Variants in FAM193A observed in about 807,000 individuals in gnomAD.
FAM193A encodes the protein protein FAM193A.
Under a neutral mutation model 126.5 loss-of-function variants are expected in FAM193A, and 22 were observed. That is an observed-to-expected ratio of 0.17 (90% confidence interval 0.12 to 0.25). FAM193A has a LOEUF of 0.25. FAM193A is among the 10% of genes least tolerant of loss of function. The pLI is 1.00. For synonymous variants in FAM193A, 761 were observed against 646.8 expected, an observed-to-expected ratio of 1.18 and a Z score of -2.68; for missense variants, 1,675 against 1,672.8, an observed-to-expected ratio of 1.00 and a Z score of -0.02.
In FAM193A at chr4:2,700,102, C is replaced by A. The variant is rs755730465; in HGVS notation, c.3930C>A (p.Pro1310=). The A allele has an allele frequency of 1.2e-6, 2 of 1,613,838 alleles. No homozygotes were observed. The highest frequency in any genetic ancestry group is 2.2e-5 in the South Asian group (2 of 91,050). The change falls in exon 19 of 21, where the codon CCC becomes CCA. Residue 1310 remains proline (P), a synonymous_variant. Coordinates refer to ENST00000637812, the MANE Select transcript of FAM193A (RefSeq NM_001366318.2). ...CCAGAGACTCCAAATTTCTCCTCCC[C>A]AAGGAGGTGAATGGGAAGCAGCATG... The part of the protein sequence containing the change: ...VDTRDSKFLL[P]KEVNGKQHEP...
At chr4:2,565,256 T>TC (rs1738868886) in intron 1 of FAM193A, among the ~76,000 whole-genome samples, 1 of 26,508 alleles carries the variant, frequency 3.8e-5, no homozygotes, top group East Asian at 9.7e-4. Flanking sequence ...AGAGTAGCCT[T>TC]TTTTTTTTTT....
chr4:2,590,486 CAAAAAA>C (rs746750683), intron 1 of FAM193A, among the ~76,000 whole-genome samples: 15 of 38,008 alleles, frequency 3.9e-4, no homozygotes, highest in Middle Eastern at 0.011. Flanking sequence ...CAAAAAAAAA[CAAAAAA>C]AAACAAAAAA....
chr4:2,730,232 T>C (rs529851616), intron 20 of FAM193A, among the ~76,000 whole-genome samples: 61 of 152,150 alleles, frequency 4.0e-4, no homozygotes, highest in Non-Finnish European at 7.4e-4. Flanking sequence ...TGGTGTCAGT[T>C]TCAGGAAGGA....
chr4:2,591,585 C>A (rs1740575752), intron 1 of FAM193A, among the ~76,000 whole-genome samples: 1 of 151,984 alleles, frequency 6.6e-6, no homozygotes, highest in Non-Finnish European at 1.5e-5. Context: ...CTGCTGTTAC[C>A]CGAGAGGATA....
chr4:2,665,915 C>T (rs561528506), intron 12 of FAM193A, among the ~76,000 whole-genome samples: 9 of 152,086 alleles, frequency 5.9e-5, no homozygotes, highest in Non-Finnish European at 7.4e-5. Flanking sequence ...GGTGCTATCT[C>T]GGCTCACGGC....
At chr4:2,723,873 C>A (rs2109410536) in intron 20 of FAM193A, among the ~76,000 whole-genome samples, 1 of 152,220 alleles carries the variant, frequency 6.6e-6, no homozygotes, top group East Asian at 1.9e-4. Context: ...GCAATCACGG[C>A]TCACTGCAGC....
In FAM193A at chr4:2,620,621, C is replaced by T. The variant is rs1309051282; in HGVS notation, c.502-4641C>T. ...CAGCACTCTGGGAGGCTGAGGCAGG[C>T]GGGATCGCCTGAGGTCAGGAGTTGG... On this transcript the variant is annotated intron_variant, in intron 2 of 20. Transcript: ENST00000637812. Among the ~76,000 whole-genome samples, 5 of 151,984 alleles carry T rather than the reference C, an allele frequency of 3.3e-5. No individual in the cohort carries two copies. In the East Asian group the frequency reaches 9.7e-4, roughly 29 times the overall value.
intron 1 of FAM193A, among the ~76,000 whole-genome samples, chr4:2,540,143 TTG>T (rs1737140560): frequency 6.6e-6 from 1 of 150,604 alleles, no homozygotes; most frequent in African/African-American, 2.4e-5. Context: ...AATCCCATCC[TTG>T]TTGACACGGT....
chr4:2,648,741 A>G (rs1225334340), intron 7 of FAM193A, among the ~76,000 whole-genome samples: 1 of 152,186 alleles, frequency 6.6e-6, no homozygotes, highest in African/African-American at 2.4e-5. Context: ...GCACCAGCCC[A>G]TTTTCACAAG....
intron 13 of FAM193A, among the ~76,000 whole-genome samples, chr4:2,673,627 C>T (rs547898692): frequency 3.8e-4 from 58 of 152,146 alleles, no homozygotes; most frequent in African/African-American, 1.4e-3. Flanking sequence ...ACCAGGCTAT[C>T]TTCATGGTCC....
At chr4:2,677,216 G>T (rs1362420355) in intron 13 of FAM193A, among the ~76,000 whole-genome samples, 1 of 152,120 alleles carries the variant, frequency 6.6e-6, no homozygotes, top group Non-Finnish European at 1.5e-5. Context: ...CCCTTTTCCT[G>T]TTGAAGGATC....
chr4:2,538,254 A>G (rs1335419148), intron 1 of FAM193A, among the ~76,000 whole-genome samples: 1 of 150,748 alleles, frequency 6.6e-6, no homozygotes, highest in Non-Finnish European at 1.5e-5. Flanking sequence ...GCTGGAGTGC[A>G]ATAATGGCGC....
At position 2,583,944 on chromosome 4, in the gene FAM193A, T is replaced by C. The variant is rs148059559; in HGVS notation, c.256-12140T>C. Among the ~76,000 whole-genome samples the C allele has an allele frequency of 3.9e-5, 6 of 152,302 alleles. No homozygotes were observed. In the East Asian group the frequency reaches 1.2e-3, roughly 29 times the overall value. ...AGGGCAGAAGACAGAAGCAGCCATG[T>C]CTTGAGGAACAGAAGTTTTTTGGTG... On this transcript the variant is annotated intron_variant, in intron 1 of 20. Coordinates refer to ENST00000637812, the MANE Select transcript of FAM193A (RefSeq NM_001366318.2).
chr4:2,719,911 C>G (rs1719938435), intron 20 of FAM193A: 1 of 248,912 alleles, frequency 4.0e-6, no homozygotes, highest in Non-Finnish European at 8.4e-6. Context: ...CCACCTCAGC[C>G]CTCCAAGTAG....
intron 13 of FAM193A, among the ~76,000 whole-genome samples, chr4:2,677,706 A>T (rs1319994863): frequency 1.4e-5 from 2 of 147,256 alleles, no homozygotes; most frequent in Non-Finnish European, 3.0e-5. Flanking sequence ...GCGCCATTGC[A>T]CTCCAGCCTG....
chr4:2,582,744 A>G (rs1013470320), intron 1 of FAM193A, among the ~76,000 whole-genome samples: 2 of 151,650 alleles, frequency 1.3e-5, no homozygotes, highest in Admixed American at 1.3e-4. Context: ...CAGGCTTTGA[A>G]TGTTTGTAGA....
At chr4:2,577,813 A>G (rs1373471027) in intron 1 of FAM193A, among the ~76,000 whole-genome samples, 2 of 152,044 alleles carry the variant, frequency 1.3e-5, no homozygotes, top group Non-Finnish European at 1.5e-5. Flanking sequence ...CAAGCTGTTC[A>G]TTTTTTTCTT....
At chr4:2,605,906 G>A in intron 2 of FAM193A, among the ~76,000 whole-genome samples, 1 of 132,696 alleles carries the variant, frequency 7.5e-6, no homozygotes, top group East Asian at 2.5e-4. Flanking sequence ...AGGAGGTGGA[G>A]GTTGCAGTGA....
intron 6 of FAM193A, among the ~76,000 whole-genome samples, chr4:2,641,175 G>A (rs1171000402): frequency 6.6e-6 from 1 of 151,320 alleles, no homozygotes; most frequent in African/African-American, 2.4e-5. Context: ...TGAGTAGCTG[G>A]GATTGGGATT....
Sources: gnomAD v4.1 joint callset for allele counts (sites outside exome capture counted in the v4.1 genomes callset) on GRCh38, gnomAD v4.1.1 for gene constraint, MANE v1.5 for transcripts, NCBI Gene and HGNC (gene_info 2026-07-23, HGNC 2026-07-21) for gene names.